NFATC3: variants seen among roughly 807,000 people sequenced by gnomAD.
The protein encoded by NFATC3 is nuclear factor of activated T-cells, cytoplasmic 3.
Under a neutral mutation model 98.6 loss-of-function variants are expected in NFATC3, and 46 were observed. The observed-to-expected ratio is 0.47, with a 90% CI of 0.37 to 0.60. The LOEUF (loss-of-function observed/expected upper bound fraction) is 0.60, where lower values mean the gene tolerates loss of function less well. Ranked by LOEUF, NFATC3 falls within the 20% of genes least tolerant of loss-of-function variation. The probability of loss-of-function intolerance (pLI) is 0.00; values close to 1 mark genes in which losing one functional copy is unlikely to be tolerated. For missense variants in NFATC3, 1,256 were observed against 1,295.5 expected, an observed-to-expected ratio of 0.97 and a Z score of 0.47; for synonymous variants, 512 against 472.2, an observed-to-expected ratio of 1.08 and a Z score of -1.09.
chr16:68,224,330 G>A (rs1163443835), intron 9 of NFATC3, among the ~76,000 whole-genome samples: 1 of 145,696 alleles, frequency 6.9e-6, no homozygotes, highest in Non-Finnish European at 1.5e-5. Flanking sequence ...AGGCTGGAGT[G>A]CAGTGGCACG....
intron 3 of NFATC3, among the ~76,000 whole-genome samples, chr16:68,132,994 A>G (rs945323782): frequency 1.3e-5 from 2 of 152,190 alleles, no homozygotes; most frequent in South Asian, 2.1e-4. Flanking sequence ...GGCGGGGCGC[A>G]GTGGCTCACA....
chr16:68,100,255 G>A (rs1361377880), intron 1 of NFATC3, among the ~76,000 whole-genome samples: 2 of 151,784 alleles, frequency 1.3e-5, no homozygotes, highest in Non-Finnish European at 2.9e-5. Flanking sequence ...AATGCCTCCT[G>A]ACCTCCAATC....
chr16:68,185,559 A>G (rs987631910), intron 8 of NFATC3, among the ~76,000 whole-genome samples: 4 of 151,968 alleles, frequency 2.6e-5, no homozygotes, highest in Non-Finnish European at 5.9e-5. Context: ...ATTACTTACT[A>G]CCTTATAATG....
Position 68,191,606 on chromosome 16 carries a change from A to G in NFATC3, c.2937A>G (p.Gln979=). 1.9e-6 allele frequency: 3 copies of G among 1,614,080 alleles called. No individual in the cohort carries two copies. Among genetic ancestry groups the G allele is most frequent in the South Asian group, 2.2e-5 (2 of 91,080 alleles). The change falls in exon 9 of 10, where the codon CAA becomes CAG. Residue 979 remains glutamine, a synonymous_variant. Transcript: ENST00000346183. ...CTGGACAGCACTCAACTCAAGCACAAAGTACGGGCCAGGGGGGTCTTTCTG... is the reference window on the plus strand; with the variant it reads ...CTGGACAGCACTCAACTCAAGCACAGAGTACGGGCCAGGGGGGTCTTTCTG... The part of the protein sequence containing the change: ...MHSGQHSTQA[Q]STGQGGLSAP...
At chr16:68,117,049 C>T (rs1307804931) in intron 1 of NFATC3, among the ~76,000 whole-genome samples, 1 of 152,132 alleles carries the variant, frequency 6.6e-6, no homozygotes, top group Non-Finnish European at 1.5e-5. Flanking sequence ...TGCTTCTAAT[C>T]TGTGGACTAG....
chr16:68,148,579 C>T (rs1451283127), intron 3 of NFATC3, among the ~76,000 whole-genome samples: 3 of 152,030 alleles, frequency 2.0e-5, no homozygotes, highest in Non-Finnish European at 4.4e-5. Context: ...GAGAAAGAAC[C>T]AATAAGCAAG....
At chr16:68,162,823 T>C (rs796090966) in intron 4 of NFATC3, among the ~76,000 whole-genome samples, 7 of 151,760 alleles carry the variant, frequency 4.6e-5, no homozygotes, top group East Asian at 1.9e-4. Context: ...AGGACAATAG[T>C]GGAGGGAAGG....
intron 7 of NFATC3, 80 bp from the exon 8 acceptor site, chr16:68,183,160 A>G (rs1598526482): frequency 7.1e-7 from 1 of 1,408,864 alleles, no homozygotes; most frequent in Non-Finnish European, 9.5e-7. Flanking sequence ...TGTAGTTAAG[A>G]CTCATGAGTT....
chr16:68,190,213 C>T (rs1053622772), intron 8 of NFATC3, among the ~76,000 whole-genome samples: 1 of 152,086 alleles, frequency 6.6e-6, no homozygotes, highest in African/African-American at 2.4e-5. Context: ...CACATGATGG[C>T]AGAGGATCAA....
At chr16:68,130,265 C>T (rs940394807) in intron 3 of NFATC3, among the ~76,000 whole-genome samples, 2 of 152,126 alleles carry the variant, frequency 1.3e-5, no homozygotes, top group African/African-American at 4.8e-5. Context: ...CTCACATTTC[C>T]ATAACAGTGT....
intron 1 of NFATC3, chr16:68,086,624 C>A: frequency 1.0e-6 from 1 of 985,052 alleles, no homozygotes; most frequent in Non-Finnish European, 1.2e-6. Context: ...GTTCAGTTTC[C>A]CTGTTACATA....
chr16:68,223,062 G>T (rs1318206186), intron 9 of NFATC3, among the ~76,000 whole-genome samples: 1 of 152,198 alleles, frequency 6.6e-6, no homozygotes, highest in Non-Finnish European at 1.5e-5. Context: ...TACTGATGGG[G>T]AAACTGAAGA....
intron 9 of NFATC3, among the ~76,000 whole-genome samples, chr16:68,209,950 G>A (rs751018919): frequency 1.1e-4 from 16 of 150,808 alleles, no homozygotes; most frequent in Admixed American, 2.6e-4. Context: ...CAGATTGCTC[G>A]AGCCCAAGAG....
chr16:68,160,244 C>T (rs981843688), intron 4 of NFATC3, among the ~76,000 whole-genome samples: 5 of 151,806 alleles, frequency 3.3e-5, no homozygotes, highest in Non-Finnish European at 7.4e-5. Context: ...GGGCAGATCA[C>T]TTGAGGGTCA....
intron 9 of NFATC3, chr16:68,209,838 AACACACACACAG>A (rs1567551142): frequency 8.3e-6 from 3 of 362,392 alleles, no homozygotes; most frequent in East Asian, 8.6e-5. Flanking sequence ...CCTGCCCCCC[AACACACACACAG>A]ACACACACAC....
chr16:68,135,709 T>C (rs2037366822), intron 3 of NFATC3, among the ~76,000 whole-genome samples: 2 of 152,152 alleles, frequency 1.3e-5, no homozygotes, highest in African/African-American at 4.8e-5. Flanking sequence ...ATTTTCTGAA[T>C]TTTTTTAGAT....
chr16:68,149,277 A>G (rs1323131883), intron 3 of NFATC3, among the ~76,000 whole-genome samples: 5 of 152,224 alleles, frequency 3.3e-5, no homozygotes, highest in Non-Finnish European at 1.5e-5. Context: ...AATGCTTGCA[A>G]TAGGTTTACT....
At chr16:68,176,317 C>T (rs1451501491) in intron 6 of NFATC3, among the ~76,000 whole-genome samples, 4 of 151,844 alleles carry the variant, frequency 2.6e-5, no homozygotes, top group Non-Finnish European at 5.9e-5. Context: ...TTTATAATTG[C>T]CAAAAAATGG....
intron 8 of NFATC3, among the ~76,000 whole-genome samples, chr16:68,184,352 A>C (rs1260876887): frequency 6.6e-6 from 1 of 152,202 alleles, no homozygotes; most frequent in Non-Finnish European, 1.5e-5. Flanking sequence ...ATGGATGTAG[A>C]TGAAAAAAGT....
Sources: gnomAD v4.1 joint callset for allele counts (sites outside exome capture counted in the v4.1 genomes callset) on GRCh38, gnomAD v4.1.1 for gene constraint, MANE v1.5 for transcripts, NCBI Gene and HGNC (gene_info 2026-07-23, HGNC 2026-07-21) for gene names.